Variants in PCDHA6 observed in about 807,000 individuals in gnomAD.
The protein encoded by PCDHA6 is protocadherin alpha-6.
A neutral mutation model predicts 60.3 loss-of-function variants in PCDHA6; 55 were observed. The observed-to-expected ratio is 0.91, with a 90% CI of 0.73 to 1.14. PCDHA6 has a LOEUF of 1.14. Ranked by LOEUF, PCDHA6 falls within the 50% of genes most tolerant of loss-of-function variation. The pLI is 0.00. For synonymous variants in PCDHA6, 652 were observed against 557.9 expected (o/e 1.17, Z -2.38); for missense variants, 1,327 against 1,256.5 (o/e 1.06, Z -0.85).
At chr5:140,883,018 G>T (rs1400637236) in intron 1 of PCDHA6, 2 of 1,613,968 alleles carry the variant, frequency 1.2e-6, no homozygotes, top group East Asian at 2.2e-5. Flanking sequence ...ATAAAGTGAC[G>T]GTGTTAGAGA....
chr5:140,949,798 A>G (rs1021470816), intron 1 of PCDHA6, among the ~76,000 whole-genome samples: 1 of 151,786 alleles, frequency 6.6e-6, no homozygotes, highest in South Asian at 2.1e-4. Context: ...GTGTCCTTCA[A>G]TACATTATTT....
At chr5:140,985,532 G>T (rs1358120172) in intron 3 of PCDHA6, among the ~76,000 whole-genome samples, 1 of 152,072 alleles carries the variant, frequency 6.6e-6, no homozygotes, top group Non-Finnish European at 1.5e-5. Context: ...AAAGCTTCAC[G>T]GTGAAGATGC....
intron 1 of PCDHA6, among the ~76,000 whole-genome samples, chr5:140,963,165 A>G (rs775997183): frequency 2.6e-5 from 4 of 152,110 alleles, no homozygotes; most frequent in Non-Finnish European, 5.9e-5. Flanking sequence ...GACACATGCC[A>G]TCTTACAGAT....
intron 1 of PCDHA6, among the ~76,000 whole-genome samples, chr5:140,976,461 G>A (rs935204153): frequency 1.3e-5 from 2 of 152,120 alleles, no homozygotes; most frequent in African/African-American, 4.8e-5. Flanking sequence ...TGGGGAAGAA[G>A]AATTGCTTGA....
intron 1 of PCDHA6, among the ~76,000 whole-genome samples, chr5:140,925,464 A>G (rs1181531744): frequency 6.6e-6 from 1 of 152,114 alleles, no homozygotes; most frequent in Non-Finnish European, 1.5e-5. Flanking sequence ...GTTGTGGCTC[A>G]GAGATGTTTC....
intron 1 of PCDHA6, among the ~76,000 whole-genome samples, chr5:140,886,681 C>T (rs1184298079): frequency 1.3e-5 from 2 of 151,832 alleles, no homozygotes; most frequent in Admixed American, 6.6e-5. Context: ...CAAAAATTAG[C>T]GAGGCATGGT....
intron 3 of PCDHA6, among the ~76,000 whole-genome samples, chr5:140,997,130 C>T (rs1480730795): frequency 6.6e-6 from 1 of 151,984 alleles, no homozygotes; most frequent in Non-Finnish European, 1.5e-5. Flanking sequence ...TACACAATGC[C>T]CCCACACCCC....
chr5:140,862,862 C>T (rs782494104), intron 1 of PCDHA6: 1 of 507,446 alleles, frequency 2.0e-6, no homozygotes, highest in African/African-American at 3.1e-5. Flanking sequence ...AGCAATGTGA[C>T]GCTGCCAGGT....
At chr5:140,926,320 C>T (rs555057115) in intron 1 of PCDHA6, 1 of 152,240 alleles carries the variant, frequency 6.6e-6, no homozygotes, top group Non-Finnish European at 1.5e-5. Context: ...AGAGGTGCGC[C>T]GGGGTCAGAG....
At chr5:140,856,818 A>G in intron 1 of PCDHA6, 1 of 1,593,074 alleles carries the variant, frequency 6.3e-7, no homozygotes, top group Non-Finnish European at 8.6e-7. Flanking sequence ...CAAGTGAACC[A>G]AACATTAGTA....
chr5:140,848,601 C>T (rs2150414189), intron 1 of PCDHA6: 4 of 1,593,618 alleles, frequency 2.5e-6, no homozygotes, highest in Admixed American at 3.4e-5. Context: ...CTACTCCGTC[C>T]CGGAGGAAGC....
Position 140,838,087 on chromosome 5 carries a change from T to A in PCDHA6, c.2394+7602T>A, listed in dbSNP as rs1474008542. On this transcript the variant is annotated intron_variant, in intron 1 of 3. Coordinates refer to ENST00000529310, the MANE Select transcript of PCDHA6 (RefSeq NM_018909.4). Reference sequence around the variant, plus strand: ...AAGTTATATATATATAGTGTGTGTGTGTGTGTGTGTGTGTGTGTGTGTGTG... The same window carrying A: ...AAGTTATATATATATAGTGTGTGTGAGTGTGTGTGTGTGTGTGTGTGTGTG... Among the ~76,000 whole-genome samples the A allele has an allele frequency of 7.9e-4, 77 of 97,646 alleles. 1 individual carries two copies. Among genetic ancestry groups the A allele is most frequent in the South Asian group, 3.4e-3 (11 of 3,264 alleles). 64.1% of individuals were successfully genotyped at this position (97,646 alleles called of 152,430 possible).
At chr5:140,904,399 T>C (rs1583526237) in intron 1 of PCDHA6, among the ~76,000 whole-genome samples, 1 of 151,316 alleles carries the variant, frequency 6.6e-6, no homozygotes, top group East Asian at 1.9e-4. Flanking sequence ...TTCCATGGTG[T>C]ATTATATATA....
intron 1 of PCDHA6, among the ~76,000 whole-genome samples, chr5:140,841,026 C>A (rs1322339232): frequency 6.6e-6 from 1 of 151,940 alleles, no homozygotes; most frequent in African/African-American, 2.4e-5. Context: ...AATGCCTCTG[C>A]AATTGATAAA....
chr5:140,906,271 T>A (rs2072508162), intron 1 of PCDHA6, among the ~76,000 whole-genome samples: 1 of 152,180 alleles, frequency 6.6e-6, no homozygotes, highest in African/African-American at 2.4e-5. Flanking sequence ...AAATTATAGA[T>A]AATCTTCAAA....
intron 1 of PCDHA6, among the ~76,000 whole-genome samples, chr5:140,953,914 T>A (rs1554221128): frequency 6.6e-6 from 1 of 152,134 alleles, no homozygotes; most frequent in South Asian, 2.1e-4. Context: ...ATCCATTAGG[T>A]ATTCTTCCTG....
At chr5:140,853,981 T>C (rs1380460625) in intron 1 of PCDHA6, 1 of 543,664 alleles carries the variant, frequency 1.8e-6, no homozygotes, top group East Asian at 1.4e-4. Context: ...GAGACCAATG[T>C]AGTGAGACTC....
intron 1 of PCDHA6, chr5:140,930,181 T>C (rs1170637205): frequency 2.0e-5 from 3 of 152,216 alleles, no homozygotes; most frequent in African/African-American, 7.2e-5. Flanking sequence ...AGAGGAAAGA[T>C]GAGTAATTTT....
intron 1 of PCDHA6, among the ~76,000 whole-genome samples, chr5:140,951,327 C>T (rs782778063): frequency 5.3e-5 from 8 of 152,026 alleles, no homozygotes; most frequent in Non-Finnish European, 8.8e-5. Context: ...TGAGATTCAT[C>T]ATTCTGTTTG....
Sources: gnomAD v4.1 joint callset for allele counts (sites outside exome capture counted in the v4.1 genomes callset) on GRCh38, gnomAD v4.1.1 for gene constraint, MANE v1.5 for transcripts, NCBI Gene and HGNC (gene_info 2026-07-23, HGNC 2026-07-21) for gene names.